The following AKTIP variants were observed in gnomAD, a reference collection of about 807,000 sequenced individuals.
The protein encoded by AKTIP is AKT interacting protein.
A neutral mutation model predicts 39.1 loss-of-function variants in AKTIP; 16 were observed. That is an observed-to-expected ratio of 0.41 (90% CI 0.28 to 0.62). AKTIP has a LOEUF of 0.62. Among genes scored for constraint, AKTIP ranks in the 20% least tolerant of loss-of-function variants. The pLI is 0.32. For synonymous variants in AKTIP, 93 were observed against 124.3 expected, an observed-to-expected ratio of 0.75 and a Z score of 1.67; for missense variants, 262 against 356.6, an observed-to-expected ratio of 0.73 and a Z score of 2.14.
Position 53,492,471 on chromosome 16 carries a change from A to G in AKTIP, c.820T>C (p.Trp274Arg). 1 of 1,613,738 alleles carries G rather than the reference A, an allele frequency of 6.2e-7. No individual in the cohort carries two copies. The highest frequency in any genetic ancestry group is 8.5e-7 in the Non-Finnish European group (1 of 1,180,024). The change falls in exon 10 of 10, where the codon TGG becomes CGG. Residue 274 changes from tryptophan (W) to arginine (R), a missense_variant. Trp to Arg is a moderately radical substitution (Grantham distance 101, BLOSUM62 -3). Around this residue, in one of 4 missense-constraint regions of AKTIP, gnomAD observed 145 missense variants for 159.3 expected, o/e 0.91. Coordinates refer to ENST00000394657, the MANE Select transcript of AKTIP (RefSeq NM_022476.4). ...GGCTGTACTGAGCCAGGCTTTACCC[A>G]TGACAGGCCAGCAACATGAACACTT... ...NKSVHVAGLS[W>R]VKPGSVQPFS...
chr16:53,494,497 G>C lies in AKTIP; in HGVS notation c.503+20C>G, dbSNP rs916676679. On this transcript the variant is annotated intron_variant, in intron 6 of 9. Coordinates refer to ENST00000394657, the MANE Select transcript of AKTIP (RefSeq NM_022476.4). Reference sequence around the variant, plus strand: ...CTCTTGCTGTATTATGTCACTAAAAGAAACACTTTATTTACTTACCTCCAT... The same window carrying C: ...CTCTTGCTGTATTATGTCACTAAAACAAACACTTTATTTACTTACCTCCAT... 2 of 1,613,800 alleles carry C rather than the reference G, an allele frequency of 1.2e-6. No individual in the cohort carries two copies. Among genetic ancestry groups the C allele is most frequent in the Admixed American group, 1.7e-5 (1 of 59,986 alleles).
chr16:53,499,330 A>C (rs1322016519), intron 2 of AKTIP, among the ~76,000 whole-genome samples: 1 of 152,244 alleles, frequency 6.6e-6, no homozygotes, highest in East Asian at 1.9e-4. Context: ...GCACAATGCA[A>C]TATGCCAATG....
Position 53,493,764 on chromosome 16 carries a change from T to TG in AKTIP, c.710+373_710+374insC, listed in dbSNP as rs1961647667. On this transcript the variant is annotated intron_variant, in intron 8 of 9. Transcript: ENST00000394657. ...CTTCAGGAACCCACCATTCTCACAC[T>TG]ATTCAGTTTCCCTCCTTTTACCACA... 1.4e-5 allele frequency: 3 copies of TG among 217,040 alleles called. No individual in the cohort carries two copies. In the South Asian group the frequency reaches 2.7e-4, roughly 20 times the overall value. The allele number at this position is 217,040 out of a possible 1,614,324, so 13.4% of individuals were successfully genotyped here.
intron 1 of AKTIP, among the ~76,000 whole-genome samples, chr16:53,501,959 T>C (rs549304369): frequency 1.1e-4 from 16 of 152,334 alleles, no homozygotes; most frequent in African/African-American, 3.6e-4. Context: ...ACACTGATTT[T>C]CAGATCTAGC....
At chr16:53,500,113 AAGATTAC>A in intron 2 of AKTIP, 98 bp downstream of exon 2, 1 of 807,018 alleles carries the variant, frequency 1.2e-6, no homozygotes, top group Non-Finnish European at 2.0e-6. Flanking sequence ...TAATTTTGTC[AAGATTAC>A]AGGTGACCGT....
At position 53,491,702 on chromosome 16, in the gene AKTIP, A is replaced by G. The variant is rs1014099072; in HGVS notation, c.*710T>C. ...GTAGTTTCCTGCATAAATGGCAAAG[A>G]ACAATCATTTATTGGTTTATTTTGT... On this transcript the variant is annotated 3_prime_UTR_variant, in exon 10 of 10. Transcript: ENST00000394657. 3 of 152,648 alleles carry G rather than the reference A, an allele frequency of 2.0e-5. No individual in the cohort carries two copies. The highest frequency in any genetic ancestry group is 7.2e-5 in the African/African-American group (3 of 41,458). 9.5% of individuals were successfully genotyped at this position (152,648 alleles called of 1,614,324 possible).
intron 3 of AKTIP, 113 bp downstream of exon 3, chr16:53,498,278 G>A: frequency 2.7e-6 from 3 of 1,105,346 alleles, no homozygotes; most frequent in Non-Finnish European, 4.1e-6. Context: ...AAAGGGACAG[G>A]TTTGAGCTTT....
chr16:53,500,332 TAAAAC>T lies in AKTIP; in HGVS notation c.-70-8_-70-4del. The T allele has an allele frequency of 5.1e-6, 8 of 1,581,042 alleles. No individual in the cohort carries two copies. Among genetic ancestry groups the T allele is most frequent in the Non-Finnish European group, 6.8e-6 (8 of 1,168,070 alleles). ...TCTGTCTTCGGCATTCACTTTACCT[TAAAAC>T]AAGACGGGAAGACATAGAAACATGC... On this transcript the variant is annotated splice_region_variant and splice_polypyrimidine_tract_variant and intron_variant, in intron 1 of 9. Coordinates refer to ENST00000394657, the MANE Select transcript of AKTIP (RefSeq NM_022476.4).
In AKTIP at chr16:53,498,616, A is replaced by T; in HGVS notation, c.43-20T>A. ...AGATCGCTATACAAGATGAAGTTGT[A>T]AGAATATCTGTTAGGATGATTCTTA... is the stretch of plus-strand genomic sequence containing the variant. On this transcript the variant is annotated intron_variant, in intron 2 of 9. Coordinates refer to ENST00000394657, the MANE Select transcript of AKTIP (RefSeq NM_022476.4). 6.2e-7 allele frequency: 1 copy of T among 1,608,866 alleles called. No homozygotes were observed. Among genetic ancestry groups the T allele is most frequent in the Non-Finnish European group, 8.5e-7 (1 of 1,175,184 alleles).
Position 53,494,326 on chromosome 16 carries a change from A to G in AKTIP, c.602+13T>C. ...TCAAATTTATTTTAAATAACAAAGC[A>G]AAAGTTACATACAGTACTGCAGCCT... On this transcript the variant is annotated intron_variant, in intron 7 of 9. Transcript: ENST00000394657. 1 of 1,613,620 alleles carries G rather than the reference A, an allele frequency of 6.2e-7. No individual in the cohort carries two copies. Among genetic ancestry groups the G allele is most frequent in the Non-Finnish European group, 8.5e-7 (1 of 1,179,680 alleles).
At chr16:53,499,449 G>GTTTTTTTTTTTTTTTTTTTT (rs56138099) in intron 2 of AKTIP, among the ~76,000 whole-genome samples, 5 of 130,706 alleles carry the variant, frequency 3.8e-5, no homozygotes, top group Non-Finnish European at 4.9e-5. Context: ...TGAGATTATA[G>GTTTTTTTTTTTTTTTTTTTT]TTTTTTTTTT....
intron 3 of AKTIP, among the ~76,000 whole-genome samples, chr16:53,498,122 T>C (rs575732065): frequency 1.3e-5 from 2 of 152,256 alleles, no homozygotes; most frequent in South Asian, 4.1e-4. Flanking sequence ...GAAATTAAAG[T>C]ACCCTCTGCC....
rs761008489 is a variant in AKTIP, at chr16:53,500,294, A to G, written c.-35T>C. The G allele has an allele frequency of 6.2e-7, 1 of 1,605,714 alleles. No individual in the cohort carries two copies. The highest frequency in any genetic ancestry group is 1.1e-5 in the South Asian group (1 of 89,272). On this transcript the variant is annotated 5_prime_UTR_variant, in exon 2 of 10. Coordinates refer to ENST00000394657, the MANE Select transcript of AKTIP (RefSeq NM_022476.4). ...TCCAAACAAAGAAAGTCAGTGGTGT[A>G]TCATCCAAATCTTCTGTCTTCGGCA...
At position 53,495,339 on chromosome 16, in the gene AKTIP, C is replaced by CA. The variant is rs1961764064; in HGVS notation, c.249-14dup. On this transcript the variant is annotated splice_polypyrimidine_tract_variant and intron_variant, in intron 3 of 9. Coordinates refer to ENST00000394657, the MANE Select transcript of AKTIP (RefSeq NM_022476.4). Reference sequence around the variant, plus strand: ...CACAACCAAGGTACTACAACAAAAGCAGAATAATTAACTTGTGTGGATACA... The same window carrying CA: ...CACAACCAAGGTACTACAACAAAAGCAAGAATAATTAACTTGTGTGGATACA... The CA allele has an allele frequency of 6.2e-7, 1 of 1,613,750 alleles. No homozygotes were observed. Among genetic ancestry groups the CA allele is most frequent in the Admixed American group, 1.7e-5 (1 of 59,994 alleles).
intron 7 of AKTIP, 41 bp downstream of exon 7, chr16:53,494,298 T>C: frequency 6.2e-7 from 1 of 1,611,068 alleles, no homozygotes; most frequent in Non-Finnish European, 8.5e-7. Flanking sequence ...CTTAGCTGCA[T>C]CTTCAAATTT....
At chr16:53,503,113 C>G (rs1398606909) in intron 1 of AKTIP, 34 bp downstream of exon 1, 1 of 152,506 alleles carries the variant, frequency 6.6e-6, no homozygotes, top group African/African-American at 2.4e-5. Flanking sequence ...TCAGCCCTCG[C>G]GTACCCACCA....
intron 3 of AKTIP, 21 bp from the exon 4 acceptor site, chr16:53,495,347 T>C (rs1961764480): frequency 1.9e-6 from 3 of 1,613,044 alleles, no homozygotes; most frequent in Non-Finnish European, 2.5e-6. Context: ...AGCAGAATAA[T>C]TAACTTGTGT....
rs561505867 is a variant in AKTIP at position 53,497,602 on chromosome 16, G to A, written c.248+789C>T. 3.9e-4 allele frequency among the ~76,000 whole-genome samples: 60 copies of A among 152,270 alleles called. 1 individual carries two copies. The East Asian group carries it at 7.5e-3, about 19-fold the overall frequency. ...TCTGTCAGGAGGCTGCCTACAAGGC[G>A]ACAACCAAATGGAGCACCACCCTCC... On this transcript the variant is annotated intron_variant, in intron 3 of 9. Coordinates refer to ENST00000394657, the MANE Select transcript of AKTIP (RefSeq NM_022476.4).
At chr16:53,492,612 A>G (rs1305448489) in intron 9 of AKTIP, 81 bp downstream of exon 9, 1 of 1,598,352 alleles carries the variant, frequency 6.3e-7, no homozygotes, top group Non-Finnish European at 8.6e-7. Flanking sequence ...AGTTACTTGT[A>G]TGTAATGAGC....
Sources: gnomAD v4.1 joint callset for allele counts (sites outside exome capture counted in the v4.1 genomes callset) on GRCh38, gnomAD v4.1.1 for gene constraint, gnomAD v4.1.1 regional missense constraint, MANE v1.5 for transcripts, NCBI Gene and HGNC (gene_info 2026-07-23, HGNC 2026-07-21) for gene names.